PINX1: variants seen among roughly 807,000 people sequenced by gnomAD.
The protein encoded by PINX1 is PIN2/TERF1-interacting telomerase inhibitor 1.
A neutral mutation model predicts 25.4 loss-of-function variants in PINX1; 34 were observed. The observed-to-expected ratio is 1.34, with a 90% CI of 1.02 to 1.78. The LOEUF (loss-of-function observed/expected upper bound fraction) is 1.78. PINX1 is among the 40% of genes most tolerant of loss of function. The pLI is 0.00. For missense variants in PINX1, 592 were observed against 404.9 expected (o/e 1.46, Z -3.97); for synonymous variants, 197 against 147.7 (o/e 1.33, Z -2.42).
At chr8:10,835,840 T>G (rs1405029037) in intron 1 of PINX1, among the ~76,000 whole-genome samples, 1 of 152,224 alleles carries the variant, frequency 6.6e-6, no homozygotes. Flanking sequence ...TTAAGGGAAC[T>G]GCTTTGAATC....
chr8:10,796,527 C>G (rs1378876810), intron 6 of PINX1, among the ~76,000 whole-genome samples: 2 of 152,100 alleles, frequency 1.3e-5, no homozygotes, highest in Admixed American at 1.3e-4. Flanking sequence ...GCATGCCTTC[C>G]GGGCTGCTGT....
At chr8:10,831,851 T>C (rs570458590) in intron 3 of PINX1, 108 bp from the exon 4 acceptor site, 2 of 665,990 alleles carry the variant, frequency 3.0e-6, no homozygotes, top group East Asian at 5.5e-5. Context: ...TAAGAAATTT[T>C]AAATGTTCCA....
chr8:10,780,771 C>A (rs1801560938), intron 6 of PINX1, among the ~76,000 whole-genome samples: 1 of 152,104 alleles, frequency 6.6e-6, no homozygotes, highest in Admixed American at 6.5e-5. Context: ...ATTAAAATGT[C>A]CACATGACCC....
In PINX1 at chr8:10,831,719, C is replaced by A; in HGVS notation, c.247G>T (p.Asp83Tyr). 1 of 1,598,144 alleles carries A rather than the reference C, an allele frequency of 6.3e-7. No homozygotes were observed. The highest frequency in any genetic ancestry group is 8.5e-7 in the Non-Finnish European group (1 of 1,170,480). ...AGTTCGGCCAGAAGCTGGTTAAAAT[C>A]ATCCTGATGGGCAATCCAGTTGTCC... is the stretch of plus-strand genomic sequence containing the variant. Reference protein sequence around the residue: ...NEDNWIAHQDDFNQLLAELNT... With the variant: ...NEDNWIAHQDYFNQLLAELNT... The change falls in exon 4 of 7, where the codon GAT (aspartate) becomes TAT (tyrosine). Residue 83 changes from aspartate (D) to tyrosine (Y), a missense_variant. By Grantham distance (160) the Asp-to-Tyr change is radical (BLOSUM62 -3). Coordinates refer to ENST00000314787, the MANE Select transcript of PINX1 (RefSeq NM_017884.6).
intron 6 of PINX1, among the ~76,000 whole-genome samples, chr8:10,803,130 G>C (rs1045610169): frequency 3.3e-5 from 5 of 152,124 alleles, no homozygotes; most frequent in Non-Finnish European, 7.4e-5. Flanking sequence ...AAAAAAATTA[G>C]TGAACCCTAA....
chr8:10,831,601 A>T (rs1268754860), intron 4 of PINX1, 64 bp downstream of exon 4: 1 of 1,018,602 alleles, frequency 9.8e-7, no homozygotes, highest in South Asian at 1.4e-5. Flanking sequence ...AAATAATAAA[A>T]GCAAAAAACA....
At chr8:10,807,163 G>C (rs1012256747) in intron 6 of PINX1, among the ~76,000 whole-genome samples, 5 of 152,148 alleles carry the variant, frequency 3.3e-5, no homozygotes, top group African/African-American at 1.2e-4. Context: ...AATGCCTCCA[G>C]AGGCCAAGGA....
At chr8:10,821,449 G>A (rs1038440634) in intron 5 of PINX1, among the ~76,000 whole-genome samples, 6 of 152,200 alleles carry the variant, frequency 3.9e-5, no homozygotes, top group Admixed American at 1.3e-4. Context: ...AGGCTCCTCT[G>A]GGCTCTGGCT....
chr8:10,835,157 T>C (rs764188547), intron 1 of PINX1, among the ~76,000 whole-genome samples: 2 of 152,208 alleles, frequency 1.3e-5, no homozygotes, highest in East Asian at 1.9e-4. Flanking sequence ...ACAGCTTCCA[T>C]TGCCATGCGT....
At chr8:10,773,791 A>G (rs1381836446) in intron 6 of PINX1, among the ~76,000 whole-genome samples, 13 of 152,028 alleles carry the variant, frequency 8.6e-5, no homozygotes, top group Non-Finnish European at 1.5e-5. Flanking sequence ...GATCACTGAC[A>G]AGAGTCATCC....
intron 6 of PINX1, among the ~76,000 whole-genome samples, chr8:10,802,846 CTT>C (rs1802313125): frequency 1.3e-5 from 2 of 152,194 alleles, no homozygotes; most frequent in Non-Finnish European, 2.9e-5. Context: ...TCTTTCTTCT[CTT>C]TGTTTGCTTC....
chr8:10,775,415 T>TGG (rs1563203237), intron 6 of PINX1, among the ~76,000 whole-genome samples: 36 of 124,712 alleles, frequency 2.9e-4, no homozygotes, highest in Middle Eastern at 4.1e-3. Flanking sequence ...TTGTGGTTTT[T>TGG]TTTTTTTTTT....
intron 1 of PINX1, among the ~76,000 whole-genome samples, chr8:10,836,312 C>G (rs1367082976): frequency 1.3e-5 from 2 of 151,948 alleles, no homozygotes; most frequent in Non-Finnish European, 2.9e-5. Flanking sequence ...CAAAAATGTT[C>G]CATCTAAATT....
chr8:10,800,767 G>A (rs1802241563), intron 6 of PINX1, among the ~76,000 whole-genome samples: 1 of 152,148 alleles, frequency 6.6e-6, no homozygotes, highest in Non-Finnish European at 1.5e-5. Flanking sequence ...ACTACGCCCG[G>A]CCAAGAATAA....
intron 5 of PINX1, among the ~76,000 whole-genome samples, chr8:10,823,615 G>A (rs1437853853): frequency 6.6e-6 from 1 of 152,090 alleles, no homozygotes; most frequent in Non-Finnish European, 1.5e-5. Flanking sequence ...ATTAGCTCAA[G>A]TTAGAATTAT....
intron 6 of PINX1, among the ~76,000 whole-genome samples, chr8:10,813,581 C>G (rs1022702832): frequency 1.3e-5 from 2 of 152,146 alleles, no homozygotes; most frequent in Non-Finnish European, 2.9e-5. Context: ...GGAACACAAA[C>G]TGCAAAGAAG....
At chr8:10,792,252 C>T (rs1157720525) in intron 6 of PINX1, among the ~76,000 whole-genome samples, 1 of 152,012 alleles carries the variant, frequency 6.6e-6, no homozygotes, top group Admixed American at 6.6e-5. Flanking sequence ...TTCCACTTCA[C>T]GTCCGCACCC....
chr8:10,786,953 C>A (rs1801768737), intron 6 of PINX1, among the ~76,000 whole-genome samples: 1 of 151,356 alleles, frequency 6.6e-6, no homozygotes, highest in Non-Finnish European at 1.5e-5. Context: ...TCCCAAGTAG[C>A]CCCCCGATCT....
At chr8:10,811,120 C>A (rs1010781727) in intron 6 of PINX1, among the ~76,000 whole-genome samples, 7 of 152,230 alleles carry the variant, frequency 4.6e-5, no homozygotes, top group Non-Finnish European at 7.3e-5. Flanking sequence ...GCTAAGAGTT[C>A]TTCATGGCTT....
Sources: allele counts gnomAD v4.1 joint callset (sites outside exome capture counted in the v4.1 genomes callset), GRCh38; gene constraint gnomAD v4.1.1; transcripts MANE v1.5; gene names NCBI Gene and HGNC (gene_info 2026-07-23, HGNC 2026-07-21).